Variants in NREP observed in about 807,000 individuals in gnomAD.
NREP encodes the protein neuronal regeneration related protein.
NREP carries 5 observed loss-of-function variants against 8.6 expected under a neutral mutation model. The ratio of observed to expected loss-of-function variants is 0.58; its 90% confidence interval spans 0.30 to 1.22. NREP has a LOEUF of 1.22. Ranked by LOEUF, NREP falls within the 50% of genes most tolerant of loss-of-function variation. NREP has a pLI of 0.07. For missense variants in NREP, 86 were observed against 82.5 expected, an observed-to-expected ratio of 1.04 and a Z score of -0.17; for synonymous variants, 27 against 28.0, an observed-to-expected ratio of 0.96 and a Z score of 0.11.
intron 2 of NREP, among the ~76,000 whole-genome samples, chr5:111,942,534 T>G (rs1240324988): frequency 2.0e-5 from 3 of 152,052 alleles, no homozygotes; most frequent in African/African-American, 4.8e-5. Context: ...TAGCAGCAAG[T>G]GTGACTCAAG....
intron 2 of NREP, among the ~76,000 whole-genome samples, chr5:111,836,882 T>C (rs1752908596): frequency 6.6e-6 from 1 of 151,948 alleles, no homozygotes; most frequent in African/African-American, 2.4e-5. Flanking sequence ...GACACTTCTT[T>C]CTGGGTGCTA....
chr5:111,885,941 G>A (rs1754234238), intron 2 of NREP, among the ~76,000 whole-genome samples: 1 of 152,108 alleles, frequency 6.6e-6, no homozygotes, highest in Non-Finnish European at 1.5e-5. Context: ...AACACCAAAA[G>A]CAATGGCAAC....
At chr5:111,759,699 C>T (rs927148682), upstream of NREP, among the ~76,000 whole-genome samples, 14 of 152,184 alleles carry the variant, frequency 9.2e-5, no homozygotes, top group African/African-American at 3.4e-4. Context: ...TGAGTCTCCT[C>T]TAGGTGAAGG....
chr5:111,755,762 A>C lies in NREP; in HGVS notation c.3+8T>G, dbSNP rs771617566. The stretch of plus-strand genomic sequence containing the variant: ...TACTGAGAATCTCCTCTGATGACCA[A>C]GTCTTACCATTTTGAGAATCTTAGT... On this transcript the variant is annotated splice_region_variant and intron_variant, in intron 2 of 3. Transcript: ENST00000257435. 7.4e-6 allele frequency: 12 copies of C among 1,613,700 alleles called. No homozygotes were observed. In the East Asian group the frequency reaches 2.5e-4, roughly 33 times the overall value.
chr5:111,890,313 T>C (rs540798559), intron 2 of NREP, among the ~76,000 whole-genome samples: 1 of 152,360 alleles, frequency 6.6e-6, no homozygotes, highest in Non-Finnish European at 1.5e-5. Context: ...TCTGCCCCTA[T>C]GGCTTTGTAC....
At chr5:111,823,106 T>G (rs1047851001) in intron 2 of NREP, among the ~76,000 whole-genome samples, 5 of 152,218 alleles carry the variant, frequency 3.3e-5, no homozygotes, top group African/African-American at 1.2e-4. Context: ...GGATCCGGTA[T>G]GTGCAGAAAT....
chr5:111,856,454 C>A (rs893315377), intron 2 of NREP, among the ~76,000 whole-genome samples: 1 of 152,108 alleles, frequency 6.6e-6, no homozygotes, highest in Non-Finnish European at 1.5e-5. Flanking sequence ...AATTTATTCT[C>A]AGACATATGG....
intron 2 of NREP, among the ~76,000 whole-genome samples, chr5:111,947,951 T>TCTA (rs1370181611): frequency 1.3e-5 from 2 of 152,076 alleles, no homozygotes; most frequent in African/African-American, 4.8e-5. Flanking sequence ...CACGCTATAT[T>TCTA]CTACACCTGT....
At chr5:111,964,322 T>C (rs947207361) in intron 2 of NREP, among the ~76,000 whole-genome samples, 2 of 152,212 alleles carry the variant, frequency 1.3e-5, no homozygotes, top group Non-Finnish European at 2.9e-5. Flanking sequence ...ATTCCACATA[T>C]TTCATATATG....
At chr5:111,777,673 G>A (rs1015547406) in intron 2 of NREP, among the ~76,000 whole-genome samples, 2 of 152,092 alleles carry the variant, frequency 1.3e-5, no homozygotes, top group Non-Finnish European at 2.9e-5. Flanking sequence ...TGCTGTTTAT[G>A]TAACTTTGAG....
At chr5:111,914,419 G>T (rs1167074144) in intron 2 of NREP, among the ~76,000 whole-genome samples, 2 of 152,024 alleles carry the variant, frequency 1.3e-5, no homozygotes, top group Non-Finnish European at 2.9e-5. Flanking sequence ...TTCCTTATTT[G>T]AAGGTGTTCT....
At chr5:111,833,930 C>G (rs1306388381) in intron 2 of NREP, among the ~76,000 whole-genome samples, 1 of 152,158 alleles carries the variant, frequency 6.6e-6, no homozygotes, top group Non-Finnish European at 1.5e-5. Flanking sequence ...GTTTATGCAG[C>G]AAACAGTCTT....
chr5:111,784,375 A>G (rs1255407139), intron 2 of NREP, among the ~76,000 whole-genome samples: 1 of 152,194 alleles, frequency 6.6e-6, no homozygotes, highest in East Asian at 1.9e-4. Context: ...CAGTAAAGAA[A>G]AGAAGCATGA....
chr5:111,746,621 G>C (rs1750022886), intron 2 of NREP, among the ~76,000 whole-genome samples: 2 of 152,116 alleles, frequency 1.3e-5, no homozygotes, highest in African/African-American at 4.8e-5. Flanking sequence ...ACATTCTGCA[G>C]GTATTGAATA....
intron 2 of NREP, among the ~76,000 whole-genome samples, chr5:111,898,558 G>A (rs1340011080): frequency 6.6e-6 from 1 of 152,162 alleles, no homozygotes; most frequent in Non-Finnish European, 1.5e-5. Flanking sequence ...TGGAGTGTAA[G>A]AGAGAAGTTT....
At chr5:111,824,928 T>C (rs1211685209) in intron 2 of NREP, among the ~76,000 whole-genome samples, 2 of 152,200 alleles carry the variant, frequency 1.3e-5, no homozygotes, top group Non-Finnish European at 2.9e-5. Context: ...CTATGAATAG[T>C]TCAATAAATG....
At chr5:111,758,441 A>G (rs1750868319), upstream of NREP, among the ~76,000 whole-genome samples, 1 of 152,272 alleles carries the variant, frequency 6.6e-6, no homozygotes, top group African/African-American at 2.4e-5. Flanking sequence ...CTTATTTAAA[A>G]TCTATCTTTT....
At chr5:111,762,449 C>T (rs141442942), upstream of NREP, among the ~76,000 whole-genome samples, 1,249 of 151,820 alleles carry the variant, frequency 8.2e-3, 8 homozygotes, top group Non-Finnish European at 0.013. Context: ...TGTGTCCCCT[C>T]CCCCCACACA....
chr5:111,894,196 G>A (rs1002047830), intron 2 of NREP, among the ~76,000 whole-genome samples: 2 of 152,000 alleles, frequency 1.3e-5, no homozygotes, highest in African/African-American at 4.8e-5. Flanking sequence ...TCCAGCCTGG[G>A]AGACAGAGCA....
Sources: gnomAD v4.1 joint callset for allele counts (sites outside exome capture counted in the v4.1 genomes callset) on GRCh38, gnomAD v4.1.1 for gene constraint, MANE v1.5 for transcripts, NCBI Gene and HGNC (gene_info 2026-07-23, HGNC 2026-07-21) for gene names.